Variants in LMBRD2 observed in about 807,000 individuals in gnomAD.
LMBRD2 encodes the protein G protein-coupled receptor-associated protein LMBRD2.
LMBRD2 carries 55 observed loss-of-function variants against 94.4 expected under a neutral mutation model. The observed-to-expected ratio is 0.58, with a 90% CI of 0.47 to 0.73. The LOEUF is 0.73. LMBRD2 is among the 30% of genes least tolerant of loss of function. The probability of loss-of-function intolerance (pLI) is 0.00; values close to 1 mark genes in which losing one functional copy is unlikely to be tolerated. For synonymous variants in LMBRD2, 246 were observed against 272.4 expected (o/e 0.90, Z 0.95); for missense variants, 640 against 831.9 (o/e 0.77, Z 2.84).
intron 16 of LMBRD2, 92 bp downstream of exon 16, chr5:36,108,442 C>T: frequency 1.8e-6 from 1 of 544,562 alleles, no homozygotes; most frequent in Non-Finnish European, 3.3e-6. Context: ...TCTACAAAGG[C>T]ATTTCTGGAT....
At chr5:36,108,709 T>A (rs780810218) in intron 15 of LMBRD2, 70 bp from the exon 16 acceptor site, 16 of 587,588 alleles carry the variant, frequency 2.7e-5, no homozygotes, top group Non-Finnish European at 4.5e-5. Context: ...AGATTACATA[T>A]GCAATATAAT....
chr5:36,138,088 T>TGAGACAGAACAATAGTGGGGCAAGG (rs1446902292), intron 4 of LMBRD2, among the ~76,000 whole-genome samples: 6 of 152,020 alleles, frequency 3.9e-5, no homozygotes, highest in African/African-American at 1.5e-4. Flanking sequence ...CAAAAGAGAC[T>TGAGACAGAACAATAGTGGGGCAAGG]GAGACAGAAC....
chr5:36,147,751 G>C, intron 1 of LMBRD2: 2 of 261,050 alleles, frequency 7.7e-6, no homozygotes, highest in Admixed American at 1.1e-4. Flanking sequence ...TGGAACTTCA[G>C]AGGTTAAGAT....
chr5:36,140,452 C>A (rs1164225149), intron 4 of LMBRD2, among the ~76,000 whole-genome samples: 1 of 152,178 alleles, frequency 6.6e-6, no homozygotes, highest in African/African-American at 2.4e-5. Flanking sequence ...TGCTACTGGC[C>A]ATAGAGGTTT....
chr5:36,143,192 G>A lies in LMBRD2; in HGVS notation c.158C>T (p.Pro53Leu), dbSNP rs750467152. The change falls in exon 2 of 18, where the codon CCT becomes CTT. Residue 53 changes from proline (P) to leucine (L), a missense_variant. Coordinates refer to ENST00000296603, the MANE Select transcript of LMBRD2 (RefSeq NM_001007527.2). ...ACTCCTTACCGTACTAACATCCAGA[G>A]GCAGTATGAAGACAATAAGAAAGCA... ...YLCFLIVFIL[P>L]LDVSTTIYNR... The A allele has an allele frequency of 6.2e-7, 1 of 1,607,554 alleles. No individual in the cohort carries two copies. The highest frequency in any genetic ancestry group is 8.5e-7 in the Non-Finnish European group (1 of 1,176,340).
In LMBRD2 at chr5:36,110,123, T is replaced by C. The variant is rs936878660; in HGVS notation, c.1745-132A>G. The C allele has an allele frequency of 4.0e-5, 27 of 670,150 alleles. No homozygotes were observed. In the African/African-American group the frequency reaches 4.9e-4, roughly 12 times the overall value. 41.5% of individuals were successfully genotyped at this position (670,150 alleles called of 1,614,324 possible). On this transcript the variant is annotated intron_variant, in intron 14 of 17. Coordinates refer to ENST00000296603, the MANE Select transcript of LMBRD2 (RefSeq NM_001007527.2). ...CACAAAATCAAATGTTATAGGTTATTGCTGGAAGGAATTTGAGAGGTTACC... is the reference window on the plus strand; with the variant it reads ...CACAAAATCAAATGTTATAGGTTATCGCTGGAAGGAATTTGAGAGGTTACC...
At chr5:36,141,405 G>T (rs942602530) in intron 3 of LMBRD2, among the ~76,000 whole-genome samples, 4 of 152,064 alleles carry the variant, frequency 2.6e-5, no homozygotes, top group African/African-American at 9.7e-5. Context: ...CAACAAAATA[G>T]ATTGTTCTGA....
intron 1 of LMBRD2, among the ~76,000 whole-genome samples, chr5:36,148,793 CTCTAA>C (rs1275699971): frequency 6.6e-6 from 1 of 152,180 alleles, no homozygotes; most frequent in Non-Finnish European, 1.5e-5. Context: ...CATGTCTCTT[CTCTAA>C]TCTAGACATA....
chr5:36,103,877 CA>C lies in LMBRD2; in HGVS notation c.*168del, dbSNP rs1743403125. The stretch of plus-strand genomic sequence containing the variant: ...TTGTTGAAAAAGGTGATACTCTATT[CA>C]ATGCACATTAAACTATTATTCCTAA... On this transcript the variant is annotated 3_prime_UTR_variant, in exon 18 of 18. Coordinates refer to ENST00000296603, the MANE Select transcript of LMBRD2 (RefSeq NM_001007527.2). 1 of 528,782 alleles carries C rather than the reference CA, an allele frequency of 1.9e-6. No homozygotes were observed. The highest frequency in any genetic ancestry group is 1.9e-5 in the African/African-American group (1 of 52,124). 32.8% of individuals were successfully genotyped at this position (528,782 alleles called of 1,614,324 possible). A position where few individuals can be genotyped will look rare whatever the true frequency, so the allele number is the denominator to read the frequency against.
intron 6 of LMBRD2, among the ~76,000 whole-genome samples, chr5:36,126,519 G>A (rs1047297732): frequency 5.3e-5 from 8 of 152,130 alleles, no homozygotes; most frequent in Non-Finnish European, 1.0e-4. Flanking sequence ...GACAGCATTC[G>A]TGAAGGGAGG....
rs1324885956 is a variant in LMBRD2, at chr5:36,102,571, A to G, written c.*1475T>C. The G allele has an allele frequency of 6.6e-6, 1 of 151,858 alleles. No individual in the cohort carries two copies. Among genetic ancestry groups the G allele is most frequent in the Admixed American group, 6.6e-5 (1 of 15,212 alleles). The allele number at this position is 151,858 out of a possible 1,614,324, so 9.4% of individuals were successfully genotyped here. A position where few individuals can be genotyped will look rare whatever the true frequency, so the allele number is the denominator to read the frequency against. On this transcript the variant is annotated 3_prime_UTR_variant, in exon 18 of 18. Transcript: ENST00000296603. ...CTAATTGCAAAGATCATAAAAACTC[A>G]AAGATCAAAATTTTCAGATAATGAG...
chr5:36,105,283 C>A, intron 16 of LMBRD2, 86 bp from the exon 17 acceptor site: 5 of 1,210,244 alleles, frequency 4.1e-6, no homozygotes, highest in African/African-American at 3.1e-5. Context: ...AAAGAAAAAT[C>A]AAAATTCCAA....
intron 9 of LMBRD2, among the ~76,000 whole-genome samples, chr5:36,120,352 T>C (rs1471927701): frequency 2.0e-5 from 3 of 151,910 alleles, no homozygotes; most frequent in Non-Finnish European, 4.4e-5. Flanking sequence ...AACCTCCGCC[T>C]CCTGTTCAAG....
intron 1 of LMBRD2, among the ~76,000 whole-genome samples, chr5:36,150,055 T>C (rs1354699345): frequency 6.6e-6 from 1 of 152,218 alleles, no homozygotes; most frequent in Admixed American, 6.5e-5. Flanking sequence ...GAATCTAATG[T>C]ACCAATTTAA....
chr5:36,136,397 C>T lies in LMBRD2; in HGVS notation c.659G>A (p.Gly220Asp), dbSNP rs574052902. Residue 220 changes from glycine (G) to aspartate (D), a missense_variant, in exon 6 of 18, where the codon GGT becomes GAT. Transcript: ENST00000296603. ...PRSYWNGAKR[G>D]YLLMKTYFKA... ...AAAATACGTTTTCATAAGTAGATAA[C>T]CCCTTTTTGCTCCATTCCAGTATGA... The T allele has an allele frequency of 6.2e-7, 1 of 1,614,038 alleles. No homozygotes were observed. The highest frequency in any genetic ancestry group is 1.1e-5 in the South Asian group (1 of 91,080).
chr5:36,139,694 T>C (rs1180969534), intron 4 of LMBRD2, among the ~76,000 whole-genome samples: 1 of 152,188 alleles, frequency 6.6e-6, no homozygotes, highest in Non-Finnish European at 1.5e-5. Flanking sequence ...TCCTCTCTAC[T>C]GGGGGCTGCA....
At chr5:36,119,233 A>G (rs1330767123) in intron 9 of LMBRD2, among the ~76,000 whole-genome samples, 2 of 151,670 alleles carry the variant, frequency 1.3e-5, no homozygotes, top group African/African-American at 4.8e-5. Context: ...CTTTCCCTCC[A>G]CCCTACCTCA....
chr5:36,114,954 C>T lies in LMBRD2; in HGVS notation c.1542+61G>A, dbSNP rs12109571. Reference sequence around the variant, plus strand: ...TCTGCTGGCATTAAAAGAAATTTCACAATAACAGCACCTCATATAGATAGT... The same window carrying T: ...TCTGCTGGCATTAAAAGAAATTTCATAATAACAGCACCTCATATAGATAGT... On this transcript the variant is annotated intron_variant, in intron 12 of 17. Coordinates refer to ENST00000296603, the MANE Select transcript of LMBRD2 (RefSeq NM_001007527.2). The T allele has an allele frequency of 0.011, 12,442 of 1,092,848 alleles. 1,039 individuals are homozygous for T. The African/African-American group carries it at 0.18, about 16-fold the overall frequency. 67.7% of individuals were successfully genotyped at this position (1,092,848 alleles called of 1,614,324 possible).
At chr5:36,143,626 A>G (rs1050447507) in intron 1 of LMBRD2, among the ~76,000 whole-genome samples, 14 of 152,160 alleles carry the variant, frequency 9.2e-5, no homozygotes, top group African/African-American at 3.4e-4. Context: ...CGTACCTTGT[A>G]TTTTCAAAAA....
Sources: allele counts gnomAD v4.1 joint callset (sites outside exome capture counted in the v4.1 genomes callset), GRCh38; gene constraint gnomAD v4.1.1; transcripts MANE v1.5; gene names NCBI Gene and HGNC (gene_info 2026-07-23, HGNC 2026-07-21).